Variants in ZNF568 observed in about 807,000 individuals in gnomAD.
ZNF568 encodes the protein p53 inhibitor of SCO2 activation.
In ZNF568, 11 loss-of-function variants were observed where a neutral mutation model predicts 18.1. The ratio of observed to expected loss-of-function variants is 0.61; its 90% CI spans 0.38 to 1.00. The LOEUF (loss-of-function observed/expected upper bound fraction) is 1.00. Among genes scored for constraint, ZNF568 ranks in the 50% least tolerant of loss-of-function variants. The pLI, the probability that ZNF568 is intolerant of heterozygous loss-of-function variation, is 0.01. For synonymous variants in ZNF568, 213 were observed against 246.6 expected (o/e 0.86, Z 1.28); for missense variants, 639 against 768.2 (o/e 0.83, Z 1.99).
At chr19:36,981,407 G>A (rs947292796), downstream of ZNF568, among the ~76,000 whole-genome samples, 1 of 152,074 alleles carries the variant, frequency 6.6e-6, no homozygotes, top group Non-Finnish European at 1.5e-5. Flanking sequence ...ATCAATTTGG[G>A]GAAAGTTGAC....
At chr19:36,961,488 C>G (rs2074149667) in intron 6 of ZNF568, among the ~76,000 whole-genome samples, 1 of 151,786 alleles carries the variant, frequency 6.6e-6, no homozygotes, top group Admixed American at 6.6e-5. Flanking sequence ...CAGCCATTCT[C>G]TATTTTTTAA....
chr19:36,922,672 T>G lies in ZNF568; in HGVS notation c.-99T>G. On this transcript the variant is annotated 5_prime_UTR_variant, in exon 3 of 7. The change abolishes the stop of an existing upstream ORF in the 5' untranslated region. Coordinates refer to ENST00000333987, the MANE Select transcript of ZNF568 (RefSeq NM_198539.4). Reference sequence around the variant, plus strand: ...TCTTATCATGGAAGGAGACCTGACCTGAGACCTGCCTTAGAGGCTGGAGAG... The same window carrying G: ...TCTTATCATGGAAGGAGACCTGACCGGAGACCTGCCTTAGAGGCTGGAGAG... 2.1e-6 allele frequency: 2 copies of G among 966,776 alleles called. No individual in the cohort carries two copies. The highest frequency in any genetic ancestry group is 3.2e-6 in the Non-Finnish European group (2 of 627,654). 59.9% of individuals were successfully genotyped at this position (966,776 alleles called of 1,614,324 possible). A position where few individuals can be genotyped will look rare whatever the true frequency, so the allele number is the denominator to read the frequency against.
At chr19:36,945,412 G>A (rs1465351807) in intron 6 of ZNF568, among the ~76,000 whole-genome samples, 1 of 152,008 alleles carries the variant, frequency 6.6e-6, no homozygotes, top group Non-Finnish European at 1.5e-5. Flanking sequence ...GGATGAAGAT[G>A]TTTAGGATTA....
downstream of ZNF568, among the ~76,000 whole-genome samples, chr19:36,983,911 T>TTTTTTTTG (rs1300895800): frequency 4.8e-5 from 7 of 144,580 alleles, no homozygotes; most frequent in African/African-American, 1.6e-4. Flanking sequence ...TTTTTTTTTT[T>TTTTTTTTG]TTGTTGAGAC....
At chr19:36,991,670 G>T in intron 3 of ZNF568, 3 of 1,109,644 alleles carry the variant, frequency 2.7e-6, no homozygotes, top group Non-Finnish European at 3.8e-6. Context: ...TAATCTACCT[G>T]CTCCTCTTTC....
chr19:36,991,200 A>G, exon 3 of ZNF568: 1 of 1,536,214 alleles, frequency 6.5e-7, no homozygotes, highest in Non-Finnish European at 8.7e-7. Flanking sequence ...AGATGTGGTC[A>G]TTTACTTCTC....
chr19:36,926,318 T>G (rs1600771131), intron 4 of ZNF568, among the ~76,000 whole-genome samples: 1 of 152,332 alleles, frequency 6.6e-6, no homozygotes, highest in East Asian at 1.9e-4. Context: ...CCTCTTTTTC[T>G]TCAGCTTATG....
intron 2 of ZNF568, among the ~76,000 whole-genome samples, chr19:36,919,026 T>C (rs906810732): frequency 6.6e-6 from 1 of 152,320 alleles, no homozygotes; most frequent in Non-Finnish European, 1.5e-5. Context: ...GTTTATCAAT[T>C]TATTCATCAT....
chr19:36,956,823 C>A (rs1183907604), downstream of ZNF568, among the ~76,000 whole-genome samples: 1 of 152,028 alleles, frequency 6.6e-6, no homozygotes, highest in Non-Finnish European at 1.5e-5. Context: ...GTCTTGAACT[C>A]CTGGCCTCAA....
At chr19:36,984,120 C>T (rs970900270), downstream of ZNF568, among the ~76,000 whole-genome samples, 5 of 151,986 alleles carry the variant, frequency 3.3e-5, no homozygotes, top group East Asian at 7.8e-4. Context: ...AGGATGGTCT[C>T]GATCTCCTGA....
chr19:36,981,604 GT>G (rs1169524978), downstream of ZNF568, among the ~76,000 whole-genome samples: 1 of 152,094 alleles, frequency 6.6e-6, no homozygotes, highest in Non-Finnish European at 1.5e-5. Flanking sequence ...ACTGGGTGCT[GT>G]GACTCACGCC....
chr19:36,937,495 C>A (rs2073810569), intron 6 of ZNF568, among the ~76,000 whole-genome samples: 1 of 152,192 alleles, frequency 6.6e-6, no homozygotes, highest in Admixed American at 6.5e-5. Context: ...TTCCCTAATT[C>A]ATTCACAGCT....
chr19:36,975,681 C>CCTTTTTTTT (rs2074278390), intron 7 of ZNF568, among the ~76,000 whole-genome samples: 1 of 75,802 alleles, frequency 1.3e-5, no homozygotes, highest in Non-Finnish European at 2.3e-5. Context: ...CGCGCCAAGA[C>CCTTTTTTTT]TTTTTTTTTT....
intron 6 of ZNF568, among the ~76,000 whole-genome samples, chr19:36,968,434 G>A (rs922614736): frequency 9.5e-5 from 12 of 126,146 alleles, no homozygotes; most frequent in Admixed American, 4.0e-4. Flanking sequence ...TTAGCCGGGC[G>A]TGGTGGCGGG....
chr19:36,921,958 A>G (rs2073464015), intron 2 of ZNF568, among the ~76,000 whole-genome samples: 1 of 152,236 alleles, frequency 6.6e-6, no homozygotes, highest in Non-Finnish European at 1.5e-5. Context: ...TATCTGAAGA[A>G]CAGATAGGTA....
At chr19:36,936,336 GA>G (rs1175591546) in intron 4 of ZNF568, among the ~76,000 whole-genome samples, 3 of 152,110 alleles carry the variant, frequency 2.0e-5, no homozygotes, top group African/African-American at 7.2e-5. Context: ...GCTGAGAAAA[GA>G]GAGCAAATAT....
chr19:36,980,273 C>T (rs972783056), downstream of ZNF568: 1 of 150,864 alleles, frequency 6.6e-6, no homozygotes, highest in African/African-American at 2.5e-5. Context: ...GAAATCTCTC[C>T]TCTCCTAAGA....
At chr19:36,975,681 C>CTTTT (rs1193440344) in intron 7 of ZNF568, among the ~76,000 whole-genome samples, 8 of 75,776 alleles carry the variant, frequency 1.1e-4, no homozygotes, top group Admixed American at 1.9e-4. Flanking sequence ...CGCGCCAAGA[C>CTTTT]TTTTTTTTTT....
chr19:36,936,963 C>A, intron 5 of ZNF568, 91 bp downstream of exon 5: 2 of 1,508,010 alleles, frequency 1.3e-6, no homozygotes, highest in African/African-American at 1.4e-5. Context: ...ATGAATCTAG[C>A]CTTTCCTTTC....
Sources: allele counts gnomAD v4.1 joint callset (sites outside exome capture counted in the v4.1 genomes callset), GRCh38; gene constraint gnomAD v4.1.1; transcripts MANE v1.5; gene names NCBI Gene and HGNC (gene_info 2026-07-23, HGNC 2026-07-21).